KIF26B: variants seen among roughly 807,000 people sequenced by gnomAD.
KIF26B encodes the protein kinesin-like protein KIF26B.
Under a neutral mutation model 151.2 loss-of-function variants are expected in KIF26B, and 63 were observed. The ratio of observed to expected loss-of-function variants is 0.42; its 90% CI spans 0.34 to 0.51. The LOEUF is 0.51. KIF26B is among the 20% of genes least tolerant of loss of function. The probability of loss-of-function intolerance (pLI) is 0.07; values close to 1 mark genes in which losing one functional copy is unlikely to be tolerated. For missense variants in KIF26B, 2,813 were observed against 2,913.6 expected (o/e 0.97, Z 0.79); for synonymous variants, 1,357 against 1,262.1 (o/e 1.08, Z -1.59).
At chr1:245,444,917 A>G (rs748619583) in intron 4 of KIF26B, among the ~76,000 whole-genome samples, 4 of 152,230 alleles carry the variant, frequency 2.6e-5, no homozygotes, top group African/African-American at 4.8e-5. Flanking sequence ...TATATAGCGT[A>G]TAAACCCATA....
chr1:245,390,857 A>T (rs1365947716), intron 3 of KIF26B, among the ~76,000 whole-genome samples: 1 of 139,254 alleles, frequency 7.2e-6, no homozygotes, highest in South Asian at 2.5e-4. Context: ...AGGCTGAGGC[A>T]GGAGGATCAC....
At chr1:245,555,745 C>T (rs1662006750) in intron 5 of KIF26B, among the ~76,000 whole-genome samples, 2 of 152,098 alleles carry the variant, frequency 1.3e-5, no homozygotes, top group African/African-American at 2.4e-5. Flanking sequence ...TCTCAAATCC[C>T]GACATGACTC....
chr1:245,242,462 T>G (rs1670225449), intron 2 of KIF26B, among the ~76,000 whole-genome samples: 2 of 152,252 alleles, frequency 1.3e-5, no homozygotes, highest in South Asian at 4.1e-4. Flanking sequence ...GAGCTAGATA[T>G]TCTACCTAAG....
intron 2 of KIF26B, chr1:245,216,256 G>A (rs1481411560): frequency 6.6e-6 from 1 of 151,378 alleles, no homozygotes; most frequent in African/African-American, 2.4e-5. Flanking sequence ...TTGACATGAC[G>A]ATAAACTTCC....
Position 245,704,723 on chromosome 1 carries a change from G to A in KIF26B, c.*2117G>A, listed in dbSNP as rs1184073890. On this transcript the variant is annotated 3_prime_UTR_variant, in exon 15 of 15. Coordinates refer to ENST00000407071, the MANE Select transcript of KIF26B (RefSeq NM_018012.4). ...CAGGACAGTCGCATGCTCTGGGCTC[G>A]CCTCTGGCCTCAAAGCACTTGTGTA... is the stretch of plus-strand genomic sequence containing the variant. The A allele has an allele frequency of 1.3e-5, 2 of 152,192 alleles. No homozygotes were observed. The highest frequency in any genetic ancestry group is 2.9e-5 in the Non-Finnish European group (2 of 68,060). The allele number at this position is 152,192 out of a possible 1,614,324, so 9.4% of individuals were successfully genotyped here.
intron 3 of KIF26B, among the ~76,000 whole-genome samples, chr1:245,407,342 T>A (rs141194155): frequency 2.0e-5 from 3 of 152,340 alleles, no homozygotes; most frequent in African/African-American, 7.2e-5. Context: ...TCTGCAGCTG[T>A]GGCTGTCGCA....
chr1:245,685,386 A>G lies in KIF26B; in HGVS notation c.2422-19A>G. 1 of 1,580,118 alleles carries G rather than the reference A, an allele frequency of 6.3e-7. No homozygotes were observed. Among genetic ancestry groups the G allele is most frequent in the Non-Finnish European group, 8.6e-7 (1 of 1,157,570 alleles). ...CTGCCACGGAAAGGCCACCACATTA[A>G]CTGCCGTCTCACTCACAGTACACAT... On this transcript the variant is annotated intron_variant, in intron 11 of 14. Coordinates refer to ENST00000407071, the MANE Select transcript of KIF26B (RefSeq NM_018012.4).
At chr1:245,679,384 T>C (rs1193113412) in intron 10 of KIF26B, among the ~76,000 whole-genome samples, 1 of 151,968 alleles carries the variant, frequency 6.6e-6, no homozygotes, top group African/African-American at 2.4e-5. Context: ...TTTTCTTGTT[T>C]AATAAGTGTT....
intron 2 of KIF26B, among the ~76,000 whole-genome samples, chr1:245,330,382 C>T (rs1304695215): frequency 2.7e-5 from 1 of 37,018 alleles, no homozygotes; most frequent in African/African-American, 1.4e-4. Flanking sequence ...GCTGGTGCAC[C>T]GCATGTGTGA....
intron 5 of KIF26B, among the ~76,000 whole-genome samples, chr1:245,587,914 A>G (rs187229837): frequency 2.6e-5 from 4 of 152,350 alleles, no homozygotes; most frequent in South Asian, 2.1e-4. Flanking sequence ...GCAGCTGCAA[A>G]GCATCCGTCC....
chr1:245,440,991 T>C (rs889967423), intron 4 of KIF26B, among the ~76,000 whole-genome samples: 3 of 152,184 alleles, frequency 2.0e-5, no homozygotes, highest in African/African-American at 7.2e-5. Context: ...GTTTCATGCC[T>C]GAAAGGAGGC....
intron 2 of KIF26B, among the ~76,000 whole-genome samples, chr1:245,161,209 G>A (rs1486071165): frequency 2.0e-5 from 3 of 152,162 alleles, no homozygotes; most frequent in Non-Finnish European, 4.4e-5. Flanking sequence ...AAACATTTTG[G>A]GAGTTTATAA....
chr1:245,283,688 G>A (rs896190799), intron 2 of KIF26B, among the ~76,000 whole-genome samples: 1 of 97,058 alleles, frequency 1.0e-5, no homozygotes, highest in Non-Finnish European at 2.0e-5. Context: ...CCAAGCTTGA[G>A]AATTTTTTTT....
At chr1:245,330,383 G>A (rs1333155639) in intron 2 of KIF26B, among the ~76,000 whole-genome samples, 2 of 42,868 alleles carry the variant, frequency 4.7e-5, no homozygotes, top group African/African-American at 1.2e-4. Flanking sequence ...CTGGTGCACC[G>A]CATGTGTGAA....
chr1:245,481,180 A>C (rs4658778), intron 4 of KIF26B, among the ~76,000 whole-genome samples: 151,439 of 151,830 alleles, frequency 1, 75,528 homozygotes, highest in Non-Finnish European at 1. Flanking sequence ...TGGCAGAGAC[A>C]AAATGGCTTT....
intron 4 of KIF26B, among the ~76,000 whole-genome samples, chr1:245,460,714 G>A (rs1659627521): frequency 6.6e-6 from 1 of 152,244 alleles, no homozygotes; most frequent in Admixed American, 6.5e-5. Context: ...TCCAGCGGCA[G>A]AGGACCTCAG....
chr1:245,588,550 A>G (rs1273860091), intron 5 of KIF26B, among the ~76,000 whole-genome samples: 3 of 152,074 alleles, frequency 2.0e-5, no homozygotes, highest in Admixed American at 2.0e-4. Context: ...TGTCCCCTGC[A>G]CTCAGACCCC....
intron 2 of KIF26B, among the ~76,000 whole-genome samples, chr1:245,316,348 T>C (rs7525329): frequency 0.57 from 86,058 of 151,648 alleles, 25,650 homozygotes; most frequent in African/African-American, 0.74. Context: ...GGTCTTGAAC[T>C]CCTGACCCCA....
chr1:245,689,703 G>T (rs571578413), intron 12 of KIF26B, among the ~76,000 whole-genome samples: 53 of 152,188 alleles, frequency 3.5e-4, no homozygotes, highest in Non-Finnish European at 2.1e-4. Context: ...GATTACAAGC[G>T]TGCACCACCG....
Sources: gnomAD v4.1 joint callset for allele counts (sites outside exome capture counted in the v4.1 genomes callset) on GRCh38, gnomAD v4.1.1 for gene constraint, MANE v1.5 for transcripts, NCBI Gene and HGNC (gene_info 2026-07-23, HGNC 2026-07-21) for gene names.